KIF26A: variants seen among roughly 807,000 people sequenced by gnomAD.
KIF26A encodes kinesin family member 26A.
In KIF26A, 74 loss-of-function variants were observed where a neutral mutation model predicts 126.0. The observed-to-expected ratio is 0.59, with a 90% confidence interval of 0.49 to 0.71. KIF26A has a LOEUF of 0.71. Among genes scored for constraint, KIF26A ranks in the 30% least tolerant of loss-of-function variants. KIF26A has a pLI of 0.00. For synonymous variants in KIF26A, 1,445 were observed against 1,232.7 expected (o/e 1.17, Z -3.61); for missense variants, 2,984 against 2,763.3 (o/e 1.08, Z -1.79).
chr14:104,169,775 G>A (rs61996619), intron 5 of KIF26A, among the ~76,000 whole-genome samples: 3 of 152,196 alleles, frequency 2.0e-5, no homozygotes, highest in African/African-American at 7.2e-5. Context: ...CTTCAGAGCT[G>A]GAAGCCCTTT....
At chr14:104,159,566 C>T (rs558471923) in intron 4 of KIF26A, among the ~76,000 whole-genome samples, 49 of 152,320 alleles carry the variant, frequency 3.2e-4, no homozygotes, top group African/African-American at 8.7e-4. Context: ...GAGCCGAGGC[C>T]GGTGCCGCTT....
Position 104,176,026 on chromosome 14 carries a change from A to T in KIF26A, c.3238A>T (p.Asn1080Tyr). The change falls in exon 12 of 15, where the codon AAT becomes TAT. Residue 1080 changes from asparagine to tyrosine, a missense_variant. Physicochemically the swap from Asn to Tyr is moderately radical, Grantham distance 143. Coordinates refer to ENST00000423312, the MANE Select transcript of KIF26A (RefSeq NM_015656.2). The part of the protein sequence containing the change: ...SRPVSIISSI[N>Y]DEFDAYTSQA... ...GCCAGTCAGCATCATCAGCAGCATC[A>T]ATGATGAGTTTGACGCCTACACCTC... 6.3e-7 allele frequency: 1 copy of T among 1,593,890 alleles called. No homozygotes were observed. Among genetic ancestry groups the T allele is most frequent in the Non-Finnish European group, 8.5e-7 (1 of 1,175,516 alleles).
At chr14:104,179,087 C>A (rs948544734) in intron 13 of KIF26A, 149 bp from the exon 14 acceptor site, 18 of 914,076 alleles carry the variant, frequency 2.0e-5, no homozygotes, top group Admixed American at 1.4e-4. Flanking sequence ...GTGGGCTGCC[C>A]CAGGTCCGCC....
chr14:104,178,464 CG>C, intron 12 of KIF26A, 85 bp from the exon 13 acceptor site: 1 of 1,032,224 alleles, frequency 9.7e-7, no homozygotes, highest in Non-Finnish European at 1.3e-6. Flanking sequence ...TGTCAGGACT[CG>C]GGCCGGCTCC....
chr14:104,173,107 G>C lies in KIF26A; in HGVS notation c.1551G>C (p.Arg517=), dbSNP rs766137911. ...RERTGTRFSV[R]VSAVEVCGRD... ...GGACGGGCACCCGCTTCTCCGTCCG[G>C]GTCTCAGCCGTGGAGGTGTGCGGGC... The change falls in exon 8 of 15, where the codon CGG becomes CGC. Residue 517 remains arginine (R), a synonymous_variant. Coordinates refer to ENST00000423312, the MANE Select transcript of KIF26A (RefSeq NM_015656.2). The C allele has an allele frequency of 1.9e-6, 3 of 1,606,686 alleles. No homozygotes were observed. The East Asian group carries it at 6.7e-5, about 36-fold the overall frequency.
Position 104,175,700 on chromosome 14 carries a change from G to T in KIF26A, c.2912G>T (p.Gly971Val). 1 of 1,599,240 alleles carries T rather than the reference G, an allele frequency of 6.3e-7. No individual in the cohort carries two copies. The highest frequency in any genetic ancestry group is 8.5e-7 in the Non-Finnish European group (1 of 1,174,260). Residue 971 changes from glycine (G) to valine (V), a missense_variant, in exon 12 of 15, where the codon GGG (glycine) becomes GTG (valine). By Grantham distance (109) the Gly-to-Val change is moderately radical (BLOSUM62 -3). Coordinates refer to ENST00000423312, the MANE Select transcript of KIF26A (RefSeq NM_015656.2). The stretch of plus-strand genomic sequence containing the variant: ...AGAGCCCCAGAAGAGCCTGGGGGAG[G>T]GGGCACTGATGGAGTGGCACGGACC... ...ACRAPEEPGG[G>V]GTDGVARTPP...
Position 104,173,072 on chromosome 14 carries a change from C to T in KIF26A, c.1516C>T (p.Arg506Cys), listed in dbSNP as rs747086678. The change falls in exon 8 of 15, where the codon CGC (arginine) becomes TGC (cysteine). Residue 506 changes from arginine to cysteine, a missense_variant. Transcript: ENST00000423312. ...ISWLFRLIEERRERTGTRFSV... is the reference protein window; with the variant it reads ...ISWLFRLIEECRERTGTRFSV... ...CTGGCTCTTCAGGCTCATCGAGGAG[C>T]GCAGGGAGAGGACGGGCACCCGCTT... 23 of 1,605,118 alleles carry T rather than the reference C, an allele frequency of 1.4e-5. No homozygotes were observed. Among genetic ancestry groups the T allele is most frequent in the Admixed American group, 1.4e-4 (8 of 58,944 alleles).
intron 2 of KIF26A, among the ~76,000 whole-genome samples, chr14:104,149,146 C>T (rs894202796): frequency 6.6e-6 from 1 of 152,212 alleles, no homozygotes; most frequent in African/African-American, 2.4e-5. Flanking sequence ...TGCTGTGTTG[C>T]CCTAGGCCGG....
chr14:104,178,018 C>T (rs2080239086), intron 12 of KIF26A, 120 bp downstream of exon 12: 1 of 1,145,220 alleles, frequency 8.7e-7, no homozygotes, highest in South Asian at 2.0e-5. Context: ...CCTTCAAGGT[C>T]CCAGACCCAC....
Position 104,177,574 on chromosome 14 carries a change from G to C in KIF26A, c.4786G>C (p.Val1596Leu). The C allele has an allele frequency of 6.5e-7, 1 of 1,535,860 alleles. No homozygotes were observed. Among genetic ancestry groups the C allele is most frequent in the South Asian group, 1.2e-5 (1 of 83,850 alleles). Residue 1596 changes from valine (V) to leucine (L), a missense_variant, in exon 12 of 15, where the codon GTG (valine) becomes CTG (leucine). Physicochemically the swap from Val to Leu is conservative, Grantham distance 32. Coordinates refer to ENST00000423312, the MANE Select transcript of KIF26A (RefSeq NM_015656.2). Reference protein sequence around the residue: ...ADSDSGHDSGVNVGEERPPTG... With the variant: ...ADSDSGHDSGLNVGEERPPTG... ...CTCAGACAGCGGCCATGACAGCGGC[G>C]TGAACGTGGGGGAGGAGCGGCCACC...
intron 2 of KIF26A, among the ~76,000 whole-genome samples, chr14:104,150,633 C>T (rs949581910): frequency 6.6e-6 from 1 of 152,196 alleles, no homozygotes; most frequent in Non-Finnish European, 1.5e-5. Flanking sequence ...GGATAATGGG[C>T]CTCAGCTTCC....
chr14:104,173,998 G>T, intron 10 of KIF26A, 130 bp downstream of exon 10: 1 of 1,395,522 alleles, frequency 7.2e-7, no homozygotes, highest in South Asian at 1.5e-5. Flanking sequence ...CACCTGACAG[G>T]CCTCGCTGCC....
At chr14:104,171,218 G>A (rs904827897) in intron 5 of KIF26A, among the ~76,000 whole-genome samples, 1 of 152,236 alleles carries the variant, frequency 6.6e-6, no homozygotes, top group Non-Finnish European at 1.5e-5. Flanking sequence ...GGCCAGGGTC[G>A]GAGGCAGCCA....
intron 3 of KIF26A, among the ~76,000 whole-genome samples, chr14:104,154,846 C>T (rs1403300900): frequency 6.6e-6 from 1 of 152,218 alleles, no homozygotes; most frequent in African/African-American, 2.4e-5. Flanking sequence ...TGACGGTGGC[C>T]CTGAGGAGCG....
At chr14:104,173,649 G>C in intron 9 of KIF26A, 57 bp from the exon 10 acceptor site, 2 of 1,586,294 alleles carry the variant, frequency 1.3e-6, no homozygotes, top group Non-Finnish European at 1.7e-6. Context: ...GTGGGGATGT[G>C]GAGCAGGATC....
intron 3 of KIF26A, among the ~76,000 whole-genome samples, chr14:104,155,545 T>C (rs2037769061): frequency 6.8e-6 from 1 of 146,476 alleles, no homozygotes; most frequent in African/African-American, 2.5e-5. Context: ...GCCCCCCCTC[T>C]CTTCTGCCCC....
Position 104,180,734 on chromosome 14 carries a change from C to G in KIF26A, c.*944C>G, listed in dbSNP as rs2038093949. On this transcript the variant is annotated 3_prime_UTR_variant, in exon 15 of 15. Coordinates refer to ENST00000423312, the MANE Select transcript of KIF26A (RefSeq NM_015656.2). ...CTTGGGAGGCGCTTCTTGCCAAATG[C>G]AGACGAGGGGTGAGCCTGCCAGCGT... The G allele has an allele frequency of 6.5e-6, 1 of 154,252 alleles. No individual in the cohort carries two copies. The allele number at this position is 154,252 out of a possible 1,614,324, so 9.6% of individuals were successfully genotyped here. A position where few individuals can be genotyped will look rare whatever the true frequency, so the allele number is the denominator to read the frequency against.
intron 4 of KIF26A, among the ~76,000 whole-genome samples, chr14:104,161,496 T>C (rs2037832572): frequency 6.6e-6 from 1 of 152,234 alleles, no homozygotes; most frequent in Non-Finnish European, 1.5e-5. Context: ...GTGATTTTTC[T>C]CTGTAAAAAG....
chr14:104,171,521 C>G (rs2037956555), intron 5 of KIF26A, among the ~76,000 whole-genome samples: 1 of 152,212 alleles, frequency 6.6e-6, no homozygotes, highest in Admixed American at 6.5e-5. Context: ...TCTCCCTGGC[C>G]CTCACCTTCT....
Sources: gnomAD v4.1 joint callset for allele counts (sites outside exome capture counted in the v4.1 genomes callset) on GRCh38, gnomAD v4.1.1 for gene constraint, MANE v1.5 for transcripts, NCBI Gene and HGNC (gene_info 2026-07-23, HGNC 2026-07-21) for gene names.